PCDHA8: variants seen among roughly 807,000 people sequenced by gnomAD.
PCDHA8 encodes the protein protocadherin alpha 8, also known as protocadherin alpha-8.
In PCDHA8, 53 loss-of-function variants were observed where a neutral mutation model predicts 61.8. The ratio of observed to expected loss-of-function variants is 0.86; its 90% CI spans 0.69 to 1.08. The LOEUF (loss-of-function observed/expected upper bound fraction) is 1.08. Ranked by LOEUF, PCDHA8 falls within the 50% of genes least tolerant of loss-of-function variation. The pLI is 0.00. For missense variants in PCDHA8, 1,293 were observed against 1,245.0 expected, an observed-to-expected ratio of 1.04 and a Z score of -0.58; for synonymous variants, 618 against 556.6, an observed-to-expected ratio of 1.11 and a Z score of -1.55.
At chr5:140,870,034 G>GA in intron 1 of PCDHA8, 6 of 1,613,690 alleles carry the variant, frequency 3.7e-6, no homozygotes, top group Non-Finnish European at 5.1e-6. Flanking sequence ...AGATTATGAA[G>GA]AAAACAAGTT....
intron 1 of PCDHA8, chr5:140,929,361 C>T (rs115903226): frequency 3.5e-5 from 53 of 1,519,472 alleles, no homozygotes; most frequent in Middle Eastern, 1.8e-4. Context: ...TCCTTTGGCC[C>T]GGAGATGGCT....
At chr5:141,006,662 G>A (rs1198129323) in intron 3 of PCDHA8, among the ~76,000 whole-genome samples, 1 of 152,192 alleles carries the variant, frequency 6.6e-6, no homozygotes, top group Admixed American at 6.5e-5. Context: ...TCCTGAAAGA[G>A]TGGTGGCAGT....
chr5:140,941,191 T>TTTCTTTCTTTCTTTC lies in PCDHA8; in HGVS notation c.2395-37756_2395-37755insCTTTCTTTCTTTCTT, dbSNP rs1487503403. Among the ~76,000 whole-genome samples, 17 of 93,258 alleles carry TTTCTTTCTTTCTTTC rather than the reference T, an allele frequency of 1.8e-4. No individual in the cohort carries two copies. The South Asian group carries it at 2.0e-3, about 11-fold the overall frequency. The allele number at this position is 93,258 out of a possible 152,430, so 61.2% of individuals were successfully genotyped here. A position where few individuals can be genotyped will look rare whatever the true frequency, so the allele number is the denominator to read the frequency against. ...CATCTTGAACATCCTGCTTCTTTTT[T>TTTCTTTCTTTCTTTC]TTTCTTTCTTCCTTTCTTTCTTCCT... On this transcript the variant is annotated intron_variant, in intron 1 of 3. Coordinates refer to ENST00000531613, the MANE Select transcript of PCDHA8 (RefSeq NM_018911.3).
intron 1 of PCDHA8, among the ~76,000 whole-genome samples, chr5:140,973,915 A>T (rs1401328396): frequency 2.0e-5 from 3 of 152,242 alleles, no homozygotes; most frequent in African/African-American, 7.2e-5. Context: ...CATTCCTGTC[A>T]CCAAACCCAG....
At position 140,849,254 on chromosome 5, in the gene PCDHA8, A is replaced by C. The variant is rs2150433667; in HGVS notation, c.2394+5539A>C. The stretch of plus-strand genomic sequence containing the variant: ...CCCTGTATACGGTGAAATTACCAGA[A>C]AACGTTTCTATCGGAACGCTGGTGA... On this transcript the variant is annotated intron_variant, in intron 1 of 3. Coordinates refer to ENST00000531613, the MANE Select transcript of PCDHA8 (RefSeq NM_018911.3). The C allele has an allele frequency of 1.6e-4, 171 of 1,103,146 alleles. 11 individuals are homozygous for C. In the South Asian group the frequency reaches 1.7e-3, roughly 11 times the overall value. 68.3% of individuals were successfully genotyped at this position (1,103,146 alleles called of 1,614,324 possible). A position where few individuals can be genotyped will look rare whatever the true frequency, so the allele number is the denominator to read the frequency against.
Position 140,928,034 on chromosome 5 carries a change from G to T in PCDHA8, c.2395-50915G>T. 3 of 1,614,206 alleles carry T rather than the reference G, an allele frequency of 1.9e-6. No homozygotes were observed. Among genetic ancestry groups the T allele is most frequent in the Non-Finnish European group, 2.5e-6 (3 of 1,180,036 alleles). Reference sequence around the variant, plus strand: ...GGTAGGGTCATTTGTGGCATGTCTAGTGCAGGCCCTTTTCAGCTGACGGCT... The same window carrying T: ...GGTAGGGTCATTTGTGGCATGTCTATTGCAGGCCCTTTTCAGCTGACGGCT... On this transcript the variant is annotated intron_variant, in intron 1 of 3. Transcript: ENST00000531613.
At chr5:140,922,548 G>T (rs2080883425) in intron 1 of PCDHA8, among the ~76,000 whole-genome samples, 2 of 152,172 alleles carry the variant, frequency 1.3e-5, no homozygotes, top group Non-Finnish European at 2.9e-5. Flanking sequence ...GCAAGGTAAG[G>T]AGAAAAGTCA....
chr5:140,898,887 C>T (rs1554188288), intron 1 of PCDHA8, among the ~76,000 whole-genome samples: 1 of 152,028 alleles, frequency 6.6e-6, no homozygotes, highest in Non-Finnish European at 1.5e-5. Context: ...TTGTAGTTCT[C>T]CTTGAAGAGG....
At chr5:140,981,939 A>G (rs765176340) in intron 2 of PCDHA8, among the ~76,000 whole-genome samples, 1 of 152,180 alleles carries the variant, frequency 6.6e-6, no homozygotes, top group Non-Finnish European at 1.5e-5. Context: ...CTCAGGAAAT[A>G]TAGGGTGGGT....
At chr5:140,958,868 A>G (rs2095446207) in intron 1 of PCDHA8, among the ~76,000 whole-genome samples, 2 of 152,108 alleles carry the variant, frequency 1.3e-5, no homozygotes, top group Non-Finnish European at 2.9e-5. Context: ...CTGGGTTTAT[A>G]AAAGAATTGA....
At chr5:140,920,989 A>C (rs1409702083) in intron 1 of PCDHA8, among the ~76,000 whole-genome samples, 1 of 151,756 alleles carries the variant, frequency 6.6e-6, no homozygotes, top group Non-Finnish European at 1.5e-5. Context: ...GTATTTGCTT[A>C]TTTTTTCAGA....
At position 140,858,127 on chromosome 5, in the gene PCDHA8, T is replaced by C. The variant is rs782220285; in HGVS notation, c.2394+14412T>C. 41 of 1,597,502 alleles carry C rather than the reference T, an allele frequency of 2.6e-5. 1 individual carries two copies. The highest frequency in any genetic ancestry group is 1.7e-4 in the Admixed American group (10 of 59,294). ...TGGCGCCCGAGGTGGCCCTGGTGGATGTCAACGTGTACCTGATCATCGCCA... is the reference window on the plus strand; with the variant it reads ...TGGCGCCCGAGGTGGCCCTGGTGGACGTCAACGTGTACCTGATCATCGCCA... On this transcript the variant is annotated intron_variant, in intron 1 of 3. Coordinates refer to ENST00000531613, the MANE Select transcript of PCDHA8 (RefSeq NM_018911.3).
intron 1 of PCDHA8, chr5:140,875,640 G>A (rs782266115): frequency 2.5e-6 from 4 of 1,613,688 alleles, no homozygotes; most frequent in Non-Finnish European, 3.4e-6. Context: ...GGCTGGAGCT[G>A]GCGGAGCTGG....
At chr5:140,856,818 A>G in intron 1 of PCDHA8, 1 of 1,593,074 alleles carries the variant, frequency 6.3e-7, no homozygotes, top group Non-Finnish European at 8.6e-7. Flanking sequence ...CAAGTGAACC[A>G]AACATTAGTA....
intron 1 of PCDHA8, among the ~76,000 whole-genome samples, chr5:140,947,889 A>G (rs1275614644): frequency 1.3e-5 from 2 of 151,626 alleles, no homozygotes; most frequent in Non-Finnish European, 3.0e-5. Flanking sequence ...CAATATAAAC[A>G]GAAGTGGTGA....
chr5:140,850,291 C>G (rs2150477990), intron 1 of PCDHA8: 2 of 1,595,974 alleles, frequency 1.3e-6, no homozygotes, highest in South Asian at 2.2e-5. Flanking sequence ...GCAGTGGACG[C>G]CGACTCGGGC....
intron 3 of PCDHA8, among the ~76,000 whole-genome samples, chr5:140,992,848 C>T (rs2097530967): frequency 6.6e-6 from 1 of 152,124 alleles, no homozygotes; most frequent in Non-Finnish European, 1.5e-5. Flanking sequence ...TGTATAACAA[C>T]CAGTTTCACT....
At position 140,927,227 on chromosome 5, in the gene PCDHA8, T is replaced by G. The variant is rs782721972; in HGVS notation, c.2395-51722T>G. The G allele has an allele frequency of 3.2e-5, 51 of 1,613,848 alleles. No individual in the cohort carries two copies. The highest frequency in any genetic ancestry group is 1.6e-4 in the Middle Eastern group (1 of 6,084). ...CCGCTGGAGCTGCACAAGATTCGGA[T>G]TCACGTCCTGGACACCAATGACAAC... On this transcript the variant is annotated intron_variant, in intron 1 of 3. Coordinates refer to ENST00000531613, the MANE Select transcript of PCDHA8 (RefSeq NM_018911.3).
At chr5:140,849,015 C>T (rs2040740928) in intron 1 of PCDHA8, 1 of 1,588,546 alleles carries the variant, frequency 6.3e-7, no homozygotes, top group Admixed American at 1.7e-5. Flanking sequence ...CAGACTGAGC[C>T]CCAATGAGTA....
Sources: allele counts gnomAD v4.1 joint callset (sites outside exome capture counted in the v4.1 genomes callset), GRCh38; gene constraint gnomAD v4.1.1; transcripts MANE v1.5; gene names NCBI Gene and HGNC (gene_info 2026-07-23, HGNC 2026-07-21).